Variants in CLTA observed in about 807,000 individuals in gnomAD.
CLTA encodes clathrin, light polypeptide (Lca).
A neutral mutation model predicts 26.9 loss-of-function variants in CLTA; 9 were observed. The observed-to-expected ratio is 0.33, with a 90% confidence interval of 0.20 to 0.58. The LOEUF is 0.58. CLTA is among the 20% of genes least tolerant of loss of function. The pLI, the probability that CLTA is intolerant of heterozygous loss-of-function variation, is 0.85. For synonymous variants in CLTA, 120 were observed against 115.5 expected, an observed-to-expected ratio of 1.04 and a Z score of -0.25; for missense variants, 278 against 294.2, an observed-to-expected ratio of 0.94 and a Z score of 0.40.
At chr9:36,202,964 T>A (rs1382277102) in intron 3 of CLTA, among the ~76,000 whole-genome samples, 2 of 152,044 alleles carry the variant, frequency 1.3e-5, no homozygotes, top group Non-Finnish European at 2.9e-5. Flanking sequence ...CCCCAGTAGC[T>A]GGGATTATAG....
Position 36,199,035 on chromosome 9 carries a change from G to C in CLTA, c.312G>C (p.Gln104His), listed in dbSNP as rs112232732. The change falls in exon 3 of 5, where the codon CAG (glutamine) becomes CAC (histidine). Residue 104 changes from glutamine (Q) to histidine (H), a missense_variant. Transcript: ENST00000345519. ...CTATTTCACAAGTGGATCGATTGCA[G>C]TCAGAGCCTGAAAGTATCCGTAAAT... is the stretch of plus-strand genomic sequence containing the variant. ...YAAISQVDRL[Q>H]SEPESIRKWR... 341 of 1,613,974 alleles carry C rather than the reference G, an allele frequency of 2.1e-4. No homozygotes were observed. Among genetic ancestry groups the C allele is most frequent in the Non-Finnish European group, 2.8e-4 (327 of 1,179,954 alleles).
chr9:36,196,675 A>G (rs542235873), intron 1 of CLTA, among the ~76,000 whole-genome samples: 189 of 152,208 alleles, frequency 1.2e-3, no homozygotes, highest in African/African-American at 4.4e-3. Flanking sequence ...ACACCAAGAA[A>G]TTTATTACAG....
At position 36,212,013 on chromosome 9, in the gene CLTA, G is replaced by A; in HGVS notation, c.*239G>A. ...AGCTTCCCAAGAGTAGCCTCAACCTGTGCTTCTGTGCATTATTCTGAGAAT... is the reference window on the plus strand; with the variant it reads ...AGCTTCCCAAGAGTAGCCTCAACCTATGCTTCTGTGCATTATTCTGAGAAT... On this transcript the variant is annotated 3_prime_UTR_variant, in exon 5 of 5. Transcript: ENST00000345519. The A allele has an allele frequency of 1.5e-6, 1 of 662,874 alleles. No individual in the cohort carries two copies. The highest frequency in any genetic ancestry group is 2.8e-6 in the Non-Finnish European group (1 of 362,982). The allele number at this position is 662,874 out of a possible 1,614,324, so 41.1% of individuals were successfully genotyped here.
At chr9:36,196,331 CTTTCTTTTTTCT>C (rs1563908100) in intron 1 of CLTA, among the ~76,000 whole-genome samples, 1 of 146,782 alleles carries the variant, frequency 6.8e-6, no homozygotes, top group Non-Finnish European at 1.5e-5. Context: ...CCTTTTTTTT[CTTTCTTTTTTCT>C]TTTTTTTTTT....
At chr9:36,195,924 C>A (rs571935111) in intron 1 of CLTA, among the ~76,000 whole-genome samples, 1 of 151,862 alleles carries the variant, frequency 6.6e-6, no homozygotes, top group Non-Finnish European at 1.5e-5. Context: ...GCCGAGATCG[C>A]GCCAGTGTAC....
chr9:36,192,456 G>T lies in CLTA; in HGVS notation c.217+1183G>T, dbSNP rs1308447311. Among the ~76,000 whole-genome samples, 7 of 152,198 alleles carry T rather than the reference G, an allele frequency of 4.6e-5. No individual in the cohort carries two copies. In the South Asian group the frequency reaches 1.2e-3, roughly 27 times the overall value. ...TTTGCAGCCTCTTGAGTTTTTGACT[G>T]CACCATGTTGCTTCCTAAACAAATC... On this transcript the variant is annotated intron_variant, in intron 1 of 4. Transcript: ENST00000345519.
At chr9:36,209,210 A>C in intron 4 of CLTA, 10 of 1,609,306 alleles carry the variant, frequency 6.2e-6, no homozygotes, top group Non-Finnish European at 8.5e-6. Flanking sequence ...TCTGCTTCTC[A>C]ATGTTCTCTC....
At chr9:36,211,040 G>A (rs1432031008) in intron 4 of CLTA, among the ~76,000 whole-genome samples, 1 of 152,232 alleles carries the variant, frequency 6.6e-6, no homozygotes, top group African/African-American at 2.4e-5. Flanking sequence ...ACTTTTGGCT[G>A]AACTGGAGAA....
intron 4 of CLTA, among the ~76,000 whole-genome samples, chr9:36,204,915 C>T (rs7041383): frequency 0.1 from 15,896 of 152,194 alleles, 900 homozygotes; most frequent in East Asian, 0.17. Context: ...GCCCAACTTT[C>T]ACTGAATAGT....
chr9:36,205,274 G>A (rs1210985484), intron 4 of CLTA, among the ~76,000 whole-genome samples: 4 of 151,346 alleles, frequency 2.6e-5, no homozygotes, highest in African/African-American at 9.8e-5. Flanking sequence ...GGAGTCCACA[G>A]GACTCCACAG....
At chr9:36,203,941 C>G (rs1192123003) in intron 3 of CLTA, 127 bp from the exon 4 acceptor site, 2 of 1,309,628 alleles carry the variant, frequency 1.5e-6, no homozygotes, top group Non-Finnish European at 2.1e-6. Flanking sequence ...CTCTACTCTT[C>G]TCCCCCAACA....
intron 3 of CLTA, among the ~76,000 whole-genome samples, chr9:36,200,125 A>G (rs1048944106): frequency 2.6e-5 from 4 of 152,240 alleles, no homozygotes; most frequent in East Asian, 1.9e-4. Flanking sequence ...GTGTCTGTAC[A>G]TGGTGGATTG....
At chr9:36,209,209 C>A in intron 4 of CLTA, 2 of 1,608,694 alleles carry the variant, frequency 1.2e-6, no homozygotes, top group Non-Finnish European at 1.7e-6. Context: ...TTCTGCTTCT[C>A]AATGTTCTCT....
chr9:36,196,322 CT>C (rs917289732), intron 1 of CLTA, among the ~76,000 whole-genome samples: 7 of 149,610 alleles, frequency 4.7e-5, no homozygotes, highest in South Asian at 2.1e-4. Flanking sequence ...CCAGCAATTC[CT>C]TTTTTTTCTT....
rs141022718 is a variant in CLTA, at chr9:36,197,800, T to C, written c.255+212T>C. On this transcript the variant is annotated intron_variant, in intron 2 of 4. Coordinates refer to ENST00000345519, the MANE Select transcript of CLTA (RefSeq NM_001833.4). The stretch of plus-strand genomic sequence containing the variant: ...AAAAATGTTATTTACCTGCCCCTAG[T>C]GTTATCACCTTTATTCTAAAGAAAT... Among the ~76,000 whole-genome samples, 271 of 152,332 alleles carry C rather than the reference T, an allele frequency of 1.8e-3. 1 individual carries two copies. Among genetic ancestry groups the C allele is most frequent in the African/African-American group, 6.1e-3 (255 of 41,588 alleles).
intron 1 of CLTA, among the ~76,000 whole-genome samples, chr9:36,194,875 G>A (rs1219478240): frequency 6.6e-6 from 1 of 152,240 alleles, no homozygotes; most frequent in Non-Finnish European, 1.5e-5. Context: ...TGTTAGTGCA[G>A]TAATACAGTA....
intron 1 of CLTA, among the ~76,000 whole-genome samples, chr9:36,193,478 A>G (rs1294732803): frequency 1.3e-5 from 2 of 152,180 alleles, no homozygotes; most frequent in Non-Finnish European, 2.9e-5. Flanking sequence ...AATATAATTT[A>G]TAATGCTATG....
At chr9:36,193,844 G>C (rs897539259) in intron 1 of CLTA, among the ~76,000 whole-genome samples, 2 of 152,184 alleles carry the variant, frequency 1.3e-5, no homozygotes, top group East Asian at 3.8e-4. Flanking sequence ...TTAGAGGCAG[G>C]AAGAAACCAG....
Position 36,202,720 on chromosome 9 carries a change from A to T in CLTA, c.374-1348A>T, listed in dbSNP as rs1311998463. On this transcript the variant is annotated intron_variant, in intron 3 of 4. Coordinates refer to ENST00000345519, the MANE Select transcript of CLTA (RefSeq NM_001833.4). ...GGGATTGTTGTAAAGATTGAGTTAG[A>T]TGTCTATAAAACACCTGCCAGACAG... Among the ~76,000 whole-genome samples, 22 of 152,178 alleles carry T rather than the reference A, an allele frequency of 1.4e-4. 1 individual carries two copies.
Sources: allele counts gnomAD v4.1 joint callset (sites outside exome capture counted in the v4.1 genomes callset), GRCh38; gene constraint gnomAD v4.1.1; transcripts MANE v1.5; gene names NCBI Gene and HGNC (gene_info 2026-07-23, HGNC 2026-07-21).